Variants in PLCE1 observed in about 807,000 individuals in gnomAD.
PLCE1 encodes the protein 1-phosphatidylinositol 4,5-bisphosphate phosphodiesterase epsilon-1.
In PLCE1, 119 loss-of-function variants were observed where a neutral mutation model predicts 242.8. The observed-to-expected ratio is 0.49, with a 90% CI of 0.42 to 0.57. The LOEUF is 0.57. PLCE1 is among the 20% of genes least tolerant of loss of function. The pLI is 0.00. For synonymous variants in PLCE1, 945 were observed against 1,017.4 expected, an observed-to-expected ratio of 0.93 and a Z score of 1.35; for missense variants, 2,441 against 2,788.8, an observed-to-expected ratio of 0.88 and a Z score of 2.81.
chr10:94,101,499 G>A (rs1275963879), intron 2 of PLCE1, among the ~76,000 whole-genome samples: 2 of 152,308 alleles, frequency 1.3e-5, no homozygotes, highest in South Asian at 2.1e-4. Flanking sequence ...TCTACACTGG[G>A]CTTGAGTTAC....
chr10:94,116,949 AG>A (rs775628755), intron 2 of PLCE1, among the ~76,000 whole-genome samples: 94 of 152,284 alleles, frequency 6.2e-4, no homozygotes, highest in Non-Finnish European at 1.3e-3. Flanking sequence ...GACTTCCCAC[AG>A]TCTGTTTTTC....
chr10:94,069,906 G>T (rs2044304097), intron 2 of PLCE1, among the ~76,000 whole-genome samples: 1 of 152,142 alleles, frequency 6.6e-6, no homozygotes. Context: ...AGCTCTCTGG[G>T]GGCTCCAGTT....
chr10:94,311,220 A>T (rs982256157), intron 27 of PLCE1, among the ~76,000 whole-genome samples: 14 of 152,134 alleles, frequency 9.2e-5, no homozygotes, highest in Admixed American at 7.9e-4. Context: ...TGACCTGGGC[A>T]TGATTGGTTC....
intron 2 of PLCE1, among the ~76,000 whole-genome samples, chr10:94,095,320 A>G (rs7905823): frequency 8.5e-6 from 1 of 117,532 alleles, no homozygotes. Context: ...GGGCCTTTCA[A>G]TTTCTTTCTT....
intron 7 of PLCE1, among the ~76,000 whole-genome samples, chr10:94,241,842 T>C (rs2050516077): frequency 1.3e-5 from 2 of 148,914 alleles, no homozygotes; most frequent in South Asian, 4.3e-4. Flanking sequence ...TGGGCTGAGG[T>C]AGCCTAGAGA....
At chr10:94,040,055 C>G (rs1564641228) in intron 2 of PLCE1, among the ~76,000 whole-genome samples, 1 of 152,032 alleles carries the variant, frequency 6.6e-6, no homozygotes, top group Non-Finnish European at 1.5e-5. Context: ...TAAACATGTC[C>G]CTTGGACATT....
At chr10:94,073,820 G>A (rs766625896) in intron 2 of PLCE1, among the ~76,000 whole-genome samples, 4 of 152,162 alleles carry the variant, frequency 2.6e-5, no homozygotes, top group Admixed American at 2.0e-4. Context: ...GGCTTTAATC[G>A]GTGCTGCAAC....
Position 94,328,462 on chromosome 10 carries a change from C to CTT in PLCE1, c.*520_*521dup, listed in dbSNP as rs2054111794. On this transcript the variant is annotated 3_prime_UTR_variant, in exon 33 of 33. Coordinates refer to ENST00000371380, the MANE Select transcript of PLCE1 (RefSeq NM_016341.4). ...TGACTTTTTTTCAACCATTTAAAAA[C>CTT]TTAAAAACTATTCTTAATTCAGGGG... 6.6e-6 allele frequency: 1 copy of CTT among 152,556 alleles called. No homozygotes were observed. Among genetic ancestry groups the CTT allele is most frequent in the Non-Finnish European group, 1.5e-5 (1 of 68,310 alleles). The allele number at this position is 152,556 out of a possible 1,614,324, so 9.5% of individuals were successfully genotyped here. A position where few individuals can be genotyped will look rare whatever the true frequency, so the allele number is the denominator to read the frequency against.
chr10:94,008,262 G>GA (rs2061087597), intron 1 of PLCE1, among the ~76,000 whole-genome samples: 1 of 146,554 alleles, frequency 6.8e-6, no homozygotes, highest in Non-Finnish European at 1.5e-5. Flanking sequence ...CTAGATCTAA[G>GA]TCACAAAAAC....
chr10:94,089,175 A>T lies in PLCE1; in HGVS notation c.1207-42999A>T, dbSNP rs759599201. On this transcript the variant is annotated intron_variant, in intron 2 of 32. Transcript: ENST00000371380. ...GGCAGCTCCACGTGAGATTCTGCAA[A>T]GGGATTAAGATTTGGCACCAGGCTT... 3 of 1,613,912 alleles carry T rather than the reference A, an allele frequency of 1.9e-6. No individual in the cohort carries two copies. The Admixed American group carries it at 5.0e-5, about 27-fold the overall frequency.
At chr10:94,163,116 A>G (rs2047673196) in intron 3 of PLCE1, among the ~76,000 whole-genome samples, 1 of 152,166 alleles carries the variant, frequency 6.6e-6, no homozygotes, top group East Asian at 1.9e-4. Flanking sequence ...GTGGTGCTGA[A>G]AAGAATGTAT....
intron 2 of PLCE1, among the ~76,000 whole-genome samples, chr10:94,062,846 A>G (rs1176667738): frequency 2.0e-5 from 3 of 152,118 alleles, no homozygotes; most frequent in Non-Finnish European, 4.4e-5. Flanking sequence ...TACATGAATC[A>G]TGATGGGACT....
chr10:94,130,087 C>A (rs975517547), intron 2 of PLCE1, among the ~76,000 whole-genome samples: 2 of 152,214 alleles, frequency 1.3e-5, no homozygotes, highest in Non-Finnish European at 2.9e-5. Context: ...CCAGTCAGTT[C>A]TTTTCCTTAC....
chr10:94,015,886 T>C (rs1039485276), intron 1 of PLCE1, among the ~76,000 whole-genome samples: 3 of 152,196 alleles, frequency 2.0e-5, no homozygotes, highest in Admixed American at 1.3e-4. Flanking sequence ...TTGATAAATA[T>C]CAATTAGGCC....
chr10:94,187,077 T>C (rs539720830), intron 4 of PLCE1, among the ~76,000 whole-genome samples: 8 of 151,842 alleles, frequency 5.3e-5, no homozygotes, highest in African/African-American at 1.4e-4. Context: ...AATTAATAAG[T>C]AATGAAAGGC....
rs537428550 is a variant in PLCE1, at chr10:94,014,666, C to T, written c.-364-16017C>T. 3.1e-4 allele frequency among the ~76,000 whole-genome samples: 47 copies of T among 152,278 alleles called. 1 individual carries two copies. The highest frequency in any genetic ancestry group is 2.7e-3 in the Admixed American group (41 of 15,296). On this transcript the variant is annotated intron_variant, in intron 1 of 32. Transcript: ENST00000371380. The stretch of plus-strand genomic sequence containing the variant: ...TAACTTCCTGCCATTTTTAAAGCCC[C>T]GATGGATCATGGGTAATGAGGAAAT...
intron 2 of PLCE1, chr10:94,121,032 G>A (rs1286058268): frequency 6.6e-6 from 1 of 152,156 alleles, no homozygotes; most frequent in African/African-American, 2.4e-5. Context: ...ATGAGAGAGA[G>A]GATCTGCACT....
chr10:94,019,643 T>C (rs1272151325), intron 1 of PLCE1, among the ~76,000 whole-genome samples: 1 of 152,222 alleles, frequency 6.6e-6, no homozygotes, highest in African/African-American at 2.4e-5. Flanking sequence ...AACACTTGAA[T>C]TGTGGCTAGC....
intron 7 of PLCE1, among the ~76,000 whole-genome samples, chr10:94,237,371 GACTATCCTTTCCTT>G (rs2137353650): frequency 6.6e-6 from 1 of 152,282 alleles, no homozygotes; most frequent in East Asian, 1.9e-4. Flanking sequence ...CAGACCCCTA[GACTATCCTTTCCTT>G]TCCCTCGAAG....
Sources: gnomAD v4.1 joint callset for allele counts (sites outside exome capture counted in the v4.1 genomes callset) on GRCh38, gnomAD v4.1.1 for gene constraint, MANE v1.5 for transcripts, NCBI Gene and HGNC (gene_info 2026-07-23, HGNC 2026-07-21) for gene names.